The following LMX1B variants were observed in gnomAD, a reference collection of about 807,000 sequenced individuals.
LMX1B encodes LIM homeobox transcription factor 1-beta.
Under a neutral mutation model 51.4 loss-of-function variants are expected in LMX1B, and 12 were observed. That is an observed-to-expected ratio of 0.23 (90% CI 0.15 to 0.38). The LOEUF (loss-of-function observed/expected upper bound fraction) is 0.38, where lower values mean the gene tolerates loss of function less well. Ranked by LOEUF, LMX1B falls within the 10% of genes least tolerant of loss-of-function variation. The pLI, the probability that LMX1B is intolerant of heterozygous loss-of-function variation, is 1.00. For missense variants in LMX1B, 445 were observed against 571.1 expected (o/e 0.78, Z 2.25); for synonymous variants, 237 against 235.4 (o/e 1.01, Z -0.06).
At chr9:126,693,047 AG>A (rs1160153914) in intron 3 of LMX1B, 94 bp from the exon 4 acceptor site, 4 of 1,301,008 alleles carry the variant, frequency 3.1e-6, no homozygotes, top group African/African-American at 2.9e-5. Flanking sequence ...CAGAGGGGAC[AG>A]GCTCCCATCG....
intron 2 of LMX1B, among the ~76,000 whole-genome samples, chr9:126,682,091 T>TTTTTTTTTTTTC: frequency 7.3e-6 from 1 of 136,882 alleles, no homozygotes; most frequent in Non-Finnish European, 1.6e-5. Flanking sequence ...GTCTTTTTTT[T>TTTTTTTTTTTTC]TTTTTTTTTT....
chr9:126,686,103 C>A (rs1219919878), intron 2 of LMX1B, among the ~76,000 whole-genome samples: 1 of 151,954 alleles, frequency 6.6e-6, no homozygotes, highest in African/African-American at 2.4e-5. Flanking sequence ...CACGGTGAAA[C>A]CCCGTCTCTA....
chr9:126,659,744 G>A (rs10819194), intron 2 of LMX1B, among the ~76,000 whole-genome samples: 50,382 of 150,220 alleles, frequency 0.34, 8,367 homozygotes, highest in Non-Finnish European at 0.39. Context: ...CTGTGTGTTT[G>A]TCTACACTAG....
At chr9:126,670,727 C>G (rs1193764872) in intron 2 of LMX1B, among the ~76,000 whole-genome samples, 1 of 152,176 alleles carries the variant, frequency 6.6e-6, no homozygotes, top group African/African-American at 2.4e-5. Context: ...CTCCCTCACC[C>G]TCTTGGATAG....
chr9:126,639,211 C>G (rs1336035597), intron 2 of LMX1B, among the ~76,000 whole-genome samples: 4 of 152,150 alleles, frequency 2.6e-5, no homozygotes, highest in Non-Finnish European at 5.9e-5. Flanking sequence ...CAGAAGCTAT[C>G]TCTAGAGGGT....
At chr9:126,622,320 C>A (rs916473461) in intron 2 of LMX1B, among the ~76,000 whole-genome samples, 1 of 152,148 alleles carries the variant, frequency 6.6e-6, no homozygotes, top group Non-Finnish European at 1.5e-5. Context: ...CTGGCCGGGC[C>A]AGTGCTGTGA....
chr9:126,693,604 A>G lies in LMX1B; in HGVS notation c.819+3A>G. On this transcript the variant is annotated splice_donor_region_variant and intron_variant, in intron 5 of 7. Coordinates refer to ENST00000373474, the MANE Select transcript of LMX1B (RefSeq NM_001174147.2). ...GGTTTCAGAACCAAAGAGCAAAGGT[A>G]AGAGGCCACCCCCCATCCCCACTGG... 6.2e-7 allele frequency: 1 copy of G among 1,614,062 alleles called. No individual in the cohort carries two copies. Among genetic ancestry groups the G allele is most frequent in the Non-Finnish European group, 8.5e-7 (1 of 1,179,920 alleles).
At position 126,696,317 on chromosome 9, in the gene LMX1B, A is replaced by G. The variant is rs1020257928; in HGVS notation, c.1075A>G (p.Ile359Val). The change falls in exon 8 of 8, where the codon ATC becomes GTC. Residue 359 changes from isoleucine (I) to valine (V), a missense_variant. By Grantham distance (29) the Ile-to-Val change is conservative. Around this residue, in one of 3 missense-constraint regions of LMX1B, gnomAD observed 162 missense variants for 187.8 expected, o/e 0.86. Coordinates refer to ENST00000373474, the MANE Select transcript of LMX1B (RefSeq NM_001174147.2). Reference protein sequence around the residue: ...PYGNDSIFHDIDSDTSLTSLS... With the variant: ...PYGNDSIFHDVDSDTSLTSLS... ...AGGGAACGACTCCATCTTCCATGAC[A>G]TCGACAGCGATACCTCCTTAACCAG... The G allele has an allele frequency of 6.2e-7, 1 of 1,613,920 alleles. No individual in the cohort carries two copies. The highest frequency in any genetic ancestry group is 8.5e-7 in the Non-Finnish European group (1 of 1,179,940).
chr9:126,617,518 C>T (rs1026103410), intron 2 of LMX1B, among the ~76,000 whole-genome samples: 1 of 151,986 alleles, frequency 6.6e-6, no homozygotes, highest in Non-Finnish European at 1.5e-5. Context: ...AGGATAACCC[C>T]TGGTTCTTCA....
At chr9:126,656,784 C>T (rs890464920) in intron 2 of LMX1B, among the ~76,000 whole-genome samples, 1 of 151,628 alleles carries the variant, frequency 6.6e-6, no homozygotes, top group Admixed American at 6.6e-5. Context: ...CTGTCCTATG[C>T]ATGTAGGGTG....
chr9:126,684,732 A>G (rs1038004160), intron 2 of LMX1B, among the ~76,000 whole-genome samples: 7 of 151,850 alleles, frequency 4.6e-5, no homozygotes, highest in African/African-American at 1.7e-4. Flanking sequence ...AGAGTCACTT[A>G]GTACAAACAT....
At chr9:126,670,252 T>C (rs1836424178) in intron 2 of LMX1B, among the ~76,000 whole-genome samples, 1 of 152,204 alleles carries the variant, frequency 6.6e-6, no homozygotes, top group Admixed American at 6.5e-5. Flanking sequence ...GACATGTGCA[T>C]ACATGAGTAG....
intron 2 of LMX1B, among the ~76,000 whole-genome samples, chr9:126,664,749 C>A (rs1353545436): frequency 6.6e-6 from 1 of 152,144 alleles, no homozygotes; most frequent in Non-Finnish European, 1.5e-5. Flanking sequence ...GTGGTGCGCG[C>A]CTGTAATCCC....
Position 126,676,030 on chromosome 9 carries a change from C to T in LMX1B, c.327-14806C>T, listed in dbSNP as rs1836552306. Among the ~76,000 whole-genome samples the T allele has an allele frequency of 2.2e-5, 3 of 136,676 alleles. No homozygotes were observed. The South Asian group carries it at 6.9e-4, about 31-fold the overall frequency. The allele number at this position is 136,676 out of a possible 152,430, so 89.7% of individuals were successfully genotyped here. A position where few individuals can be genotyped will look rare whatever the true frequency, so the allele number is the denominator to read the frequency against. On this transcript the variant is annotated intron_variant, in intron 2 of 7. Transcript: ENST00000373474. ...CGCCACTGCACTCCAGCCTGGGCGA[C>T]AGAGCGAGACTCCGTCTCAAAAAAA...
chr9:126,693,425 A>G (rs1374621190), intron 4 of LMX1B, 99 bp from the exon 5 acceptor site: 1 of 1,542,492 alleles, frequency 6.5e-7, no homozygotes, highest in Non-Finnish European at 8.9e-7. Context: ...ACATCCCTCC[A>G]TCCTCCATCT....
chr9:126,662,950 C>A (rs1001591289), intron 2 of LMX1B, among the ~76,000 whole-genome samples: 1 of 152,210 alleles, frequency 6.6e-6, no homozygotes, highest in Admixed American at 6.5e-5. Flanking sequence ...CAAACACAAT[C>A]CAAACACACT....
rs528928124 is a variant in LMX1B, at chr9:126,673,027, C to T, written c.327-17809C>T. On this transcript the variant is annotated intron_variant, in intron 2 of 7. Transcript: ENST00000373474. This position sits in a 1 kb window ranked among gnomAD's most constrained non-coding sequence, Gnocchi z 4.4. ...CAAGAGGCTCTTTTCGGCTTTTGCC[C>T]AACCACATGCTGACCTATCTCTTAC... Among the ~76,000 whole-genome samples, 1 of 152,352 alleles carries T rather than the reference C, an allele frequency of 6.6e-6. No individual in the cohort carries two copies. The highest frequency in any genetic ancestry group is 2.1e-4 in the South Asian group (1 of 4,830).
At chr9:126,639,310 G>A (rs1835768012) in intron 2 of LMX1B, among the ~76,000 whole-genome samples, 2 of 152,124 alleles carry the variant, frequency 1.3e-5, no homozygotes, top group Admixed American at 1.3e-4. Context: ...CGGTCCCCGA[G>A]GGCTCGGTAA....
rs1025572062 is a variant in LMX1B at position 126,626,911 on chromosome 9, C to T, written c.326+11342C>T. Among the ~76,000 whole-genome samples, 15 of 152,184 alleles carry T rather than the reference C, an allele frequency of 9.9e-5. No individual in the cohort carries two copies. The highest frequency in any genetic ancestry group is 3.4e-4 in the African/African-American group (14 of 41,456). ...CGGCCTAAGACAACGCAGATGGTTC[C>T]TATCAGCCCGGCCGGGCCCGCAGCG... On this transcript the variant is annotated intron_variant, in intron 2 of 7. Transcript: ENST00000373474. This position sits in a 1 kb window ranked among gnomAD's most constrained non-coding sequence, Gnocchi z 4.3.
Sources: allele counts gnomAD v4.1 joint callset (sites outside exome capture counted in the v4.1 genomes callset), GRCh38; gene constraint gnomAD v4.1.1; regional missense constraint gnomAD v4.1.1; non-coding constraint Gnocchi (gnomAD v3.1); transcripts MANE v1.5; gene names NCBI Gene and HGNC (gene_info 2026-07-23, HGNC 2026-07-21).